Variants in SPECC1 observed in about 807,000 individuals in gnomAD.
SPECC1 encodes the protein sperm antigen with calponin homology and coiled-coil domains 1, also known as cytospin-B.
Under a neutral mutation model 104.1 loss-of-function variants are expected in SPECC1, and 62 were observed. The observed-to-expected ratio is 0.60, with a 90% CI of 0.49 to 0.74. The LOEUF is 0.74. Ranked by LOEUF, SPECC1 falls within the 30% of genes least tolerant of loss-of-function variation. SPECC1 has a pLI of 0.00. For synonymous variants in SPECC1, 513 were observed against 501.6 expected (o/e 1.02, Z -0.30); for missense variants, 1,306 against 1,310.5 (o/e 1.00, Z 0.05).
rs1043630817 is a variant in SPECC1, at chr17:20,232,068, C to T, written c.2146-132C>T. The stretch of plus-strand genomic sequence containing the variant: ...AGTGCCTTTTCCTAGCAGTGAGCCA[C>T]CGTGTAAGCAGGGCCTCACCAAGCA... On this transcript the variant is annotated intron_variant, in intron 6 of 14. Coordinates refer to ENST00000395527, the MANE Select transcript of SPECC1 (RefSeq NM_001243439.2). 5 of 1,089,522 alleles carry T rather than the reference C, an allele frequency of 4.6e-6. No homozygotes were observed. The African/African-American group carries it at 7.8e-5, about 17-fold the overall frequency. The allele number at this position is 1,089,522 out of a possible 1,614,324, so 67.5% of individuals were successfully genotyped here.
chr17:20,027,751 G>A (rs1045723436), intron 1 of SPECC1, among the ~76,000 whole-genome samples: 2 of 152,064 alleles, frequency 1.3e-5, no homozygotes, highest in Admixed American at 1.3e-4. Context: ...TGTTCCATTG[G>A]TCTATGTGTC....
In SPECC1 at chr17:20,160,780, T is replaced by G. The variant is rs141045996; in HGVS notation, c.284-43553T>G. Among the ~76,000 whole-genome samples, 172 of 152,314 alleles carry G rather than the reference T, an allele frequency of 1.1e-3. 1 individual carries two copies. The highest frequency in any genetic ancestry group is 3.6e-3 in the African/African-American group (151 of 41,566). ...GATATACTATACCCTTATTGTTTCT[T>G]GATTTGTTAGTTTTCAAGCCTCTCT... On this transcript the variant is annotated intron_variant, in intron 3 of 14. Coordinates refer to ENST00000395527, the MANE Select transcript of SPECC1 (RefSeq NM_001243439.2).
intron 13 of SPECC1, among the ~76,000 whole-genome samples, chr17:20,298,921 A>AGAGAGAGAG (rs1555535542): frequency 6.9e-5 from 5 of 72,794 alleles, no homozygotes; most frequent in East Asian, 1.9e-3. Flanking sequence ...GCAGAACCAA[A>AGAGAGAGAG]AGAGAGAGAG....
At chr17:20,219,708 T>G (rs1336482970) in intron 4 of SPECC1, among the ~76,000 whole-genome samples, 2 of 152,248 alleles carry the variant, frequency 1.3e-5, no homozygotes, top group African/African-American at 4.8e-5. Context: ...CATTTTTGTT[T>G]TGGTATTCTG....
intron 12 of SPECC1, among the ~76,000 whole-genome samples, chr17:20,281,115 G>A (rs531933386): frequency 4.6e-5 from 7 of 152,258 alleles, no homozygotes; most frequent in Non-Finnish European, 8.8e-5. Context: ...ATGGCCGGTC[G>A]GTTCCTGGAA....
chr17:20,024,161 G>A lies in SPECC1; in HGVS notation c.-22+14737G>A, dbSNP rs1203824999. On this transcript the variant is annotated intron_variant, in intron 1 of 14. Transcript: ENST00000395527. ...AATAAAATGGGGTAGCTATATAATC[G>A]TCTTGAGAGATTCTGGAAAAGCACT... is the stretch of plus-strand genomic sequence containing the variant. Among the ~76,000 whole-genome samples the A allele has an allele frequency of 5.9e-5, 9 of 152,116 alleles. No individual in the cohort carries two copies. The South Asian group carries it at 8.3e-4, about 14-fold the overall frequency.
chr17:20,230,286 C>G (rs913685644), intron 5 of SPECC1, among the ~76,000 whole-genome samples: 1 of 152,174 alleles, frequency 6.6e-6, no homozygotes, highest in African/African-American at 2.4e-5. Flanking sequence ...TTAGAATTGA[C>G]TATGTATTTC....
intron 3 of SPECC1, among the ~76,000 whole-genome samples, chr17:20,168,864 C>T (rs973135445): frequency 7.2e-5 from 11 of 151,944 alleles, no homozygotes; most frequent in Admixed American, 1.3e-4. Flanking sequence ...TAATCAGAAA[C>T]GATGGTATAT....
chr17:20,200,289 AT>A (rs1340782921), intron 3 of SPECC1, among the ~76,000 whole-genome samples: 5 of 152,192 alleles, frequency 3.3e-5, no homozygotes, highest in Non-Finnish European at 5.9e-5. Context: ...TTTTATATGA[AT>A]TCTATGAATG....
chr17:20,295,899 CT>C (rs1350715867), intron 12 of SPECC1, among the ~76,000 whole-genome samples: 1 of 152,058 alleles, frequency 6.6e-6, no homozygotes, highest in African/African-American at 2.4e-5. Context: ...TGTTTAAGTT[CT>C]TTGTAGGTTC....
Position 20,194,503 on chromosome 17 carries a change from T to TTA in SPECC1, c.284-9829_284-9828insAT, listed in dbSNP as rs1491494270. Reference sequence around the variant, plus strand: ...GTGTTCTGTTAGAAAAGAGAACGAATTTTTTTTTTTTTTTTTTTTTTTGAG... The same window carrying TTA: ...GTGTTCTGTTAGAAAAGAGAACGAATTATTTTTTTTTTTTTTTTTTTTTTGAG... On this transcript the variant is annotated intron_variant, in intron 3 of 14. Transcript: ENST00000395527. Among the ~76,000 whole-genome samples, 119 of 32,588 alleles carry TTA rather than the reference T, an allele frequency of 3.7e-3. 14 individuals are homozygous for TTA. In the South Asian group the frequency reaches 0.07, roughly 19 times the overall value. The allele number at this position is 32,588 out of a possible 152,430, so 21.4% of individuals were successfully genotyped here. A position where few individuals can be genotyped will look rare whatever the true frequency, so the allele number is the denominator to read the frequency against.
At chr17:20,084,108 T>C (rs143399535) in intron 1 of SPECC1, among the ~76,000 whole-genome samples, 166 of 152,316 alleles carry the variant, frequency 1.1e-3, no homozygotes, top group African/African-American at 3.9e-3. Context: ...TTGTTATTAA[T>C]ATGGACATCA....
At chr17:20,278,734 G>T (rs991510039) in intron 12 of SPECC1, among the ~76,000 whole-genome samples, 1 of 150,282 alleles carries the variant, frequency 6.7e-6, no homozygotes, top group South Asian at 2.1e-4. Flanking sequence ...TTTTTTTAAA[G>T]GTTCTTACCA....
At chr17:20,085,226 C>T (rs189433759) in intron 1 of SPECC1, among the ~76,000 whole-genome samples, 380 of 152,284 alleles carry the variant, frequency 2.5e-3, no homozygotes, top group Non-Finnish European at 4.0e-3. Flanking sequence ...TGTGCCTTAT[C>T]CTCCAACAAA....
chr17:20,112,468 A>T (rs2048539686), intron 3 of SPECC1: 2 of 765,488 alleles, frequency 2.6e-6, no homozygotes, highest in Non-Finnish European at 2.4e-6. Flanking sequence ...CAATCAAGTC[A>T]GAACTGCGAT....
rs184408431 is a variant in SPECC1 at position 20,250,446 on chromosome 17, T to C, written c.2599-3059T>C. ...GGGTACATCACTAAAGATTTCATAA[T>C]TATTAAAGCAATAGTAAGAGAATAT... On this transcript the variant is annotated intron_variant, in intron 9 of 14. Coordinates refer to ENST00000395527, the MANE Select transcript of SPECC1 (RefSeq NM_001243439.2). Among the ~76,000 whole-genome samples the C allele has an allele frequency of 8.1e-4, 124 of 152,366 alleles. No individual in the cohort carries two copies. The East Asian group carries it at 0.013, about 16-fold the overall frequency.
intron 1 of SPECC1, among the ~76,000 whole-genome samples, chr17:20,062,908 G>A (rs943756409): frequency 6.6e-6 from 1 of 151,798 alleles, no homozygotes; most frequent in Non-Finnish European, 1.5e-5. Context: ...GGCTGGTCTC[G>A]AACTCCTGAC....
chr17:20,074,619 G>C (rs1163209293), intron 1 of SPECC1, among the ~76,000 whole-genome samples: 1 of 152,094 alleles, frequency 6.6e-6, no homozygotes, highest in East Asian at 1.9e-4. Context: ...CTAAGGTGCT[G>C]CTCTAGCTGC....
intron 1 of SPECC1, among the ~76,000 whole-genome samples, chr17:20,051,112 CTTTCTTTCTTT>C: frequency 7.6e-6 from 1 of 131,532 alleles, no homozygotes; most frequent in East Asian, 2.2e-4. Context: ...TTCTTTCTTT[CTTTCTTTCTTT>C]CTTTCTTTCT....
Sources: allele counts gnomAD v4.1 joint callset (sites outside exome capture counted in the v4.1 genomes callset), GRCh38; gene constraint gnomAD v4.1.1; transcripts MANE v1.5; gene names NCBI Gene and HGNC (gene_info 2026-07-23, HGNC 2026-07-21).